IPPK: variants seen among roughly 807,000 people sequenced by gnomAD.
IPPK encodes the protein inositol-pentakisphosphate 2-kinase, also known as IPK1 homolog.
Under a neutral mutation model 64.6 loss-of-function variants are expected in IPPK, and 22 were observed. The observed-to-expected ratio is 0.34, with a 90% CI of 0.24 to 0.49. The LOEUF (loss-of-function observed/expected upper bound fraction) is 0.49, where lower values mean the gene tolerates loss of function less well. Ranked by LOEUF, IPPK falls within the 20% of genes least tolerant of loss-of-function variation. The pLI is 0.99. For missense variants in IPPK, 532 were observed against 630.7 expected (o/e 0.84, Z 1.68); for synonymous variants, 262 against 247.2 (o/e 1.06, Z -0.56).
intron 1 of IPPK, 145 bp downstream of exon 1, chr9:92,669,762 TG>T: frequency 2.0e-6 from 1 of 503,898 alleles, no homozygotes; most frequent in Non-Finnish European, 3.4e-6. Flanking sequence ...TGCTGGAGGG[TG>T]GGGGAATTCC....
At chr9:92,641,577 G>A (rs1314234916) in intron 7 of IPPK, among the ~76,000 whole-genome samples, 1 of 152,228 alleles carries the variant, frequency 6.6e-6, no homozygotes, top group East Asian at 1.9e-4. Context: ...CACAGGTGAG[G>A]GCACCGCCAG....
rs1157114348 is a variant in IPPK at position 92,658,771 on chromosome 9, C to T, written c.82-90G>A. The T allele has an allele frequency of 2.5e-5, 29 of 1,168,670 alleles. No homozygotes were observed. In the South Asian group the frequency reaches 3.0e-4, roughly 12 times the overall value. The allele number at this position is 1,168,670 out of a possible 1,614,324, so 72.4% of individuals were successfully genotyped here. A position where few individuals can be genotyped will look rare whatever the true frequency, so the allele number is the denominator to read the frequency against. ...GTTTGGGGGTCCCATCCTCAGTGGA[C>T]AAAGTCCACAGTGAAGCTCCACAGC... On this transcript the variant is annotated intron_variant, in intron 1 of 12. Transcript: ENST00000287996.
At chr9:92,652,521 C>T in intron 4 of IPPK, 52 bp downstream of exon 4, 1 of 923,386 alleles carries the variant, frequency 1.1e-6, no homozygotes, top group South Asian at 1.8e-5. Context: ...AAACACTTTT[C>T]AAATGGAATA....
At chr9:92,659,814 C>A (rs1248055077) in intron 1 of IPPK, among the ~76,000 whole-genome samples, 2 of 152,190 alleles carry the variant, frequency 1.3e-5, no homozygotes, top group Non-Finnish European at 2.9e-5. Flanking sequence ...TACGTCGTTG[C>A]TCTTAAATCC....
intron 1 of IPPK, 59 bp downstream of exon 1, chr9:92,669,849 G>C: frequency 1.6e-6 from 2 of 1,253,916 alleles, no homozygotes; most frequent in South Asian, 2.4e-5. Context: ...TAATGGGGGC[G>C]GGGTGATACC....
In IPPK at chr9:92,657,968, C is replaced by G. The variant is rs539273523; in HGVS notation, c.129+666G>C. On this transcript the variant is annotated intron_variant, in intron 2 of 12. Transcript: ENST00000287996. Reference sequence around the variant, plus strand: ...GCCTCCGCCTGCTCCCACAGTGGAACAGCCACCATCCAGGAGCTCACCCCC... The same window carrying G: ...GCCTCCGCCTGCTCCCACAGTGGAAGAGCCACCATCCAGGAGCTCACCCCC... Among the ~76,000 whole-genome samples, 3 of 152,318 alleles carry G rather than the reference C, an allele frequency of 2.0e-5. No individual in the cohort carries two copies. The East Asian group carries it at 5.8e-4, about 29-fold the overall frequency.
At chr9:92,637,885 T>G (rs1185537667) in intron 9 of IPPK, 116 bp downstream of exon 9, 1 of 1,136,028 alleles carries the variant, frequency 8.8e-7, no homozygotes, top group Non-Finnish European at 1.2e-6. Context: ...CGTAACCAGG[T>G]GGCATCCCCC....
chr9:92,628,422 T>TA (rs1851773335), intron 11 of IPPK, among the ~76,000 whole-genome samples: 1 of 152,214 alleles, frequency 6.6e-6, no homozygotes, highest in African/African-American at 2.4e-5. Flanking sequence ...TTTCAAAACC[T>TA]ACTAAAAAGC....
intron 2 of IPPK, 145 bp downstream of exon 2, chr9:92,658,488 GA>G (rs1852417685): frequency 1.4e-6 from 1 of 724,856 alleles, no homozygotes; most frequent in South Asian, 1.7e-5. Context: ...TTTATATCAG[GA>G]ATGATGGACA....
chr9:92,640,568 G>C lies in IPPK; in HGVS notation c.636+142C>G, dbSNP rs1483053612. The C allele has an allele frequency of 6.2e-5, 43 of 691,500 alleles. No homozygotes were observed. In the Admixed American group the frequency reaches 9.1e-4, roughly 15 times the overall value. 42.8% of individuals were successfully genotyped at this position (691,500 alleles called of 1,614,324 possible). A position where few individuals can be genotyped will look rare whatever the true frequency, so the allele number is the denominator to read the frequency against. On this transcript the variant is annotated intron_variant, in intron 8 of 12. Coordinates refer to ENST00000287996, the MANE Select transcript of IPPK (RefSeq NM_022755.6). ...AACTGGAAGGTCCAAGGTGATGACT[G>C]AACCAGTCAGGGCATGAGGACCCCA...
intron 12 of IPPK, chr9:92,618,427 GACGAGGTGAGTA>G (rs1481839591): frequency 2.2e-6 from 1 of 456,574 alleles, no homozygotes; most frequent in African/African-American, 2.0e-5. Context: ...CCAGGTGCTA[GACGAGGTGAGTA>G]ACATGTCTGT....
At chr9:92,642,849 G>T in intron 6 of IPPK, 39 bp from the exon 7 acceptor site, 1 of 1,480,900 alleles carries the variant, frequency 6.8e-7, no homozygotes, top group Non-Finnish European at 9.4e-7. Context: ...GGTGACTGGC[G>T]CTGGTGACTG....
At chr9:92,660,638 C>T (rs1852463557) in intron 1 of IPPK, among the ~76,000 whole-genome samples, 1 of 152,190 alleles carries the variant, frequency 6.6e-6, no homozygotes, top group Non-Finnish European at 1.5e-5. Flanking sequence ...GGAAGGAGTT[C>T]AGTGGGCCCA....
chr9:92,619,476 G>T lies in IPPK; in HGVS notation c.1250+10C>A. 6.3e-7 allele frequency: 1 copy of T among 1,577,672 alleles called. No homozygotes were observed. The highest frequency in any genetic ancestry group is 2.3e-5 in the East Asian group (1 of 43,748). ...GACCCAGGCTGCATGCCTTGCAGTG[G>T]GGGCCTCACCTGGCATCCTGCAGAC... is the stretch of plus-strand genomic sequence containing the variant. On this transcript the variant is annotated intron_variant, in intron 12 of 12. Transcript: ENST00000287996.
chr9:92,620,004 G>A (rs10119539), intron 11 of IPPK: 9,784 of 184,804 alleles, frequency 0.053, 979 homozygotes, highest in African/African-American at 0.21. Flanking sequence ...CGCTTAGAAC[G>A]ACATTCCCTC....
In IPPK at chr9:92,614,329, CA is replaced by C. The variant is rs1851364035; in HGVS notation, c.*1502del. 6.6e-6 allele frequency: 1 copy of C among 152,380 alleles called. No homozygotes were observed. The highest frequency in any genetic ancestry group is 2.4e-5 in the African/African-American group (1 of 41,464). 9.4% of individuals were successfully genotyped at this position (152,380 alleles called of 1,614,324 possible). ...AACTCCCTTGGGTCAAGACAGTACT[CA>C]ACGGCCACTACCTCCACGCTTCCCA... On this transcript the variant is annotated 3_prime_UTR_variant, in exon 13 of 13. Transcript: ENST00000287996.
chr9:92,646,116 G>A (rs1212203065), intron 6 of IPPK, among the ~76,000 whole-genome samples: 1 of 152,190 alleles, frequency 6.6e-6, no homozygotes, highest in Admixed American at 6.5e-5. Context: ...GGGGGAGGGA[G>A]CAAAGCTTTA....
At chr9:92,668,571 C>A (rs755947912) in intron 1 of IPPK, among the ~76,000 whole-genome samples, 7 of 152,226 alleles carry the variant, frequency 4.6e-5, no homozygotes, top group African/African-American at 9.6e-5. Context: ...TACATCTAAT[C>A]TTACCAAGGA....
chr9:92,649,674 C>A, intron 4 of IPPK, 100 bp from the exon 5 acceptor site: 2 of 1,368,168 alleles, frequency 1.5e-6, no homozygotes, highest in Non-Finnish European at 2.0e-6. Context: ...TTCCAGGGGG[C>A]ATCTCTGTAC....
Sources: allele counts gnomAD v4.1 joint callset (sites outside exome capture counted in the v4.1 genomes callset), GRCh38; gene constraint gnomAD v4.1.1; transcripts MANE v1.5; gene names NCBI Gene and HGNC (gene_info 2026-07-23, HGNC 2026-07-21).